The following TNNT2 variants were observed in gnomAD, a reference collection of about 807,000 sequenced individuals.
The protein encoded by TNNT2 is troponin T, cardiac muscle.
In TNNT2, 34 loss-of-function variants were observed where a neutral mutation model predicts 62.4. That is an observed-to-expected ratio of 0.54 (90% CI 0.41 to 0.72). The LOEUF (loss-of-function observed/expected upper bound fraction) is 0.72, where lower values mean the gene tolerates loss of function less well. Ranked by LOEUF, TNNT2 falls within the 30% of genes least tolerant of loss-of-function variation. The pLI, the probability that TNNT2 is intolerant of heterozygous loss-of-function variation, is 0.00. For missense variants in TNNT2, 275 were observed against 381.9 expected, an observed-to-expected ratio of 0.72 and a Z score of 2.33; for synonymous variants, 123 against 127.2, an observed-to-expected ratio of 0.97 and a Z score of 0.22.
chr1:201,367,176 A>G, intron 7 of TNNT2: 1 of 512,846 alleles, frequency 1.9e-6, no homozygotes, highest in East Asian at 3.7e-5. Context: ...CTTGTGCTTC[A>G]CAGTGACAAG....
At chr1:201,369,288 T>C (rs1049717739) in intron 5 of TNNT2, 1 of 472,424 alleles carries the variant, frequency 2.1e-6, no homozygotes, top group East Asian at 6.9e-5. Context: ...GCCTTGGTCC[T>C]GTGCTCCCCA....
intron 7 of TNNT2, chr1:201,367,570 T>C: frequency 1.5e-6 from 1 of 671,560 alleles, no homozygotes; most frequent in African/African-American, 1.8e-5. Context: ...GTGCCACCAA[T>C]GCAACTTCTC....
chr1:201,373,395 G>T, intron 1 of TNNT2, 127 bp from the exon 2 acceptor site: 1 of 829,488 alleles, frequency 1.2e-6, no homozygotes, highest in Non-Finnish European at 2.0e-6. Flanking sequence ...CTCATGAGCT[G>T]TGTGACCTGC....
intron 7 of TNNT2, chr1:201,367,088 G>T: frequency 1.4e-6 from 1 of 705,394 alleles, no homozygotes. Context: ...GTTCTGCAGG[G>T]CACACACTCA....
Position 201,362,341 on chromosome 1 carries a change from C to T in TNNT2, c.609+45G>A. The T allele has an allele frequency of 1.9e-6, 3 of 1,612,028 alleles. No individual in the cohort carries two copies. In the Admixed American group the frequency reaches 5.0e-5, roughly 27 times the overall value. On this transcript the variant is annotated intron_variant, in intron 13 of 16. Transcript: ENST00000656932. ...GCGCCTTCCCCTCCCAGGGAGCTCT[C>T]CAAAACTATGGGGAGGAAGAAGGCT...
chr1:201,363,220 T>C (rs1417633244), intron 12 of TNNT2, 76 bp downstream of exon 12: 5 of 1,611,456 alleles, frequency 3.1e-6, no homozygotes, highest in Non-Finnish European at 3.4e-6. Flanking sequence ...ACCTAAAGTC[T>C]ACCTGCTGCA....
chr1:201,362,311 GC>G, intron 13 of TNNT2, 74 bp downstream of exon 13: 1 of 1,588,748 alleles, frequency 6.3e-7, no homozygotes, highest in Non-Finnish European at 8.6e-7. Flanking sequence ...CTCCCCTCCA[GC>G]AAGGCGCCTT....
At chr1:201,370,397 G>C (rs1292771285) in intron 4 of TNNT2, among the ~76,000 whole-genome samples, 8 of 152,286 alleles carry the variant, frequency 5.3e-5, no homozygotes, top group Non-Finnish European at 1.2e-4. Flanking sequence ...GGGGAGATTT[G>C]CCCGGCCTGT....
intron 15 of TNNT2, chr1:201,361,032 T>G: frequency 1.8e-6 from 1 of 563,234 alleles, no homozygotes; most frequent in Admixed American, 2.7e-5. Context: ...ACCCCCAGGG[T>G]TGGAACACCA....
rs10920182 is a variant in TNNT2 at position 201,364,945 on chromosome 1, C to T, written c.411+246G>A. Reference sequence around the variant, plus strand: ...ATTAGGCCCTGGGGGAGGCCTGAAACAGATCAGACTCAGCTCTGGCAGTCA... The same window carrying T: ...ATTAGGCCCTGGGGGAGGCCTGAAATAGATCAGACTCAGCTCTGGCAGTCA... On this transcript the variant is annotated intron_variant, in intron 10 of 16. Coordinates refer to ENST00000656932, the MANE Select transcript of TNNT2 (RefSeq NM_001276345.2). Among the ~76,000 whole-genome samples, 4,492 of 152,226 alleles carry T rather than the reference C, an allele frequency of 0.03. 213 individuals carry two copies. Among genetic ancestry groups the T allele is most frequent in the African/African-American group, 0.1 (4,297 of 41,512 alleles).
chr1:201,362,990 G>A (rs1238084176), intron 12 of TNNT2, among the ~76,000 whole-genome samples: 1 of 152,196 alleles, frequency 6.6e-6, no homozygotes, highest in Non-Finnish European at 1.5e-5. Context: ...CTAGGCACAA[G>A]GCTCTTCCAG....
At chr1:201,363,970 C>T (rs1659195246) in intron 11 of TNNT2, 1 of 361,452 alleles carries the variant, frequency 2.8e-6, no homozygotes, top group Non-Finnish European at 5.3e-6. Context: ...TCACTGCAAC[C>T]TTGCCTCCTG....
In TNNT2 at chr1:201,363,016, T is replaced by C. The variant is rs562934418; in HGVS notation, c.600+280A>G. On this transcript the variant is annotated intron_variant, in intron 12 of 16. Transcript: ENST00000656932. ...GCTCTTCCAGCTGCACCCAGCCTCC[T>C]TGGGGGCTCCTGAGCACTGCTGGAG... The C allele has an allele frequency of 3.4e-4, 246 of 727,784 alleles. 4 individuals are homozygous for C. The Middle Eastern group carries it at 8.5e-3, about 25-fold the overall frequency. 45.1% of individuals were successfully genotyped at this position (727,784 alleles called of 1,614,324 possible).
chr1:201,363,253 C>T, intron 12 of TNNT2, 43 bp downstream of exon 12: 1 of 1,612,522 alleles, frequency 6.2e-7, no homozygotes, highest in Non-Finnish European at 8.5e-7. Context: ...TTCCTCAGGG[C>T]TATACTAGGA....
At chr1:201,369,207 C>T (rs1472928825) in intron 5 of TNNT2, 1 of 451,268 alleles carries the variant, frequency 2.2e-6, no homozygotes, top group African/African-American at 2.0e-5. Flanking sequence ...CCTCCCCAAC[C>T]CACCTACTGC....
chr1:201,359,650 C>T lies in TNNT2; in HGVS notation c.824G>A (p.Arg275Gln), dbSNP rs730881125. The T allele has an allele frequency of 6.9e-6, 11 of 1,594,880 alleles. No individual in the cohort carries two copies. Among genetic ancestry groups the T allele is most frequent in the South Asian group, 2.3e-5 (2 of 88,200 alleles). Reference protein sequence around the residue: ...KQQKYEINVLRNRINDNQKVS... With the variant: ...KQQKYEINVLQNRINDNQKVS... ...TTTCTGGTTATCGTTGATCCTGTTT[C>T]GGAGAACATTGATCTGCAAGAAAAG... is the stretch of plus-strand genomic sequence containing the variant. Residue 275 changes from arginine (R) to glutamine (Q), a missense_variant, in exon 16 of 17, where the codon CGA (arginine) becomes CAA (glutamine). By Grantham distance (43) the Arg-to-Gln change is conservative. Transcript: ENST00000656932.
chr1:201,372,798 TGA>T (rs1211316714), intron 2 of TNNT2, among the ~76,000 whole-genome samples: 2 of 152,182 alleles, frequency 1.3e-5, no homozygotes, highest in Non-Finnish European at 2.9e-5. Context: ...GGCACTGTCA[TGA>T]GAGAGTAGGG....
At chr1:201,360,832 C>T (rs1571597185) in intron 15 of TNNT2, 2 of 295,738 alleles carry the variant, frequency 6.8e-6, no homozygotes, top group East Asian at 1.8e-4. Context: ...CTCATTAGTG[C>T]ACATAGGACT....
rs77200863 is a variant in TNNT2, at chr1:201,371,649, ACTGGCCCT to A, written c.67+370_67+377del. On this transcript the variant is annotated intron_variant, in intron 4 of 16. Transcript: ENST00000656932. ...GAAGGTGGAGTATAGAGGAAAGAAG[ACTGGCCCT>A]AAGATGATGATTGTTGAAGCTGGTA... Among the ~76,000 whole-genome samples, 559 of 152,268 alleles carry A rather than the reference ACTGGCCCT, an allele frequency of 3.7e-3. 1 individual carries two copies. The highest frequency in any genetic ancestry group is 6.5e-3 in the Non-Finnish European group (441 of 68,020).
Sources: allele counts gnomAD v4.1 joint callset (sites outside exome capture counted in the v4.1 genomes callset), GRCh38; gene constraint gnomAD v4.1.1; transcripts MANE v1.5; gene names NCBI Gene and HGNC (gene_info 2026-07-23, HGNC 2026-07-21).